HSPA12B: variants seen among roughly 807,000 people sequenced by gnomAD.
HSPA12B encodes heat shock protein family A (Hsp70) member 12B.
A neutral mutation model predicts 69.3 loss-of-function variants in HSPA12B; 54 were observed. The observed-to-expected ratio is 0.78, with a 90% CI of 0.63 to 0.98. The LOEUF (loss-of-function observed/expected upper bound fraction) is 0.98. HSPA12B is among the 50% of genes least tolerant of loss of function. The probability of loss-of-function intolerance (pLI) is 0.00; values close to 1 mark genes in which losing one functional copy is unlikely to be tolerated. For synonymous variants in HSPA12B, 441 were observed against 436.5 expected, an observed-to-expected ratio of 1.01 and a Z score of -0.13; for missense variants, 929 against 999.8, an observed-to-expected ratio of 0.93 and a Z score of 0.96.
intron 11 of HSPA12B, 120 bp downstream of exon 11, chr20:3,750,347 A>G (rs2088393640): frequency 9.3e-7 from 1 of 1,076,802 alleles, no homozygotes; most frequent in Admixed American, 3.0e-5. Flanking sequence ...CATATACACT[A>G]AGCCAGCAGG....
At position 3,751,909 on chromosome 20, in the gene HSPA12B, C is replaced by T. The variant is rs1194728424; in HGVS notation, c.1804C>T (p.Arg602Trp). ...RSYCPARPGQ[R>W]RVLINLYCCA... ...CTACTGCCCGGCGCGTCCCGGCCAGCGGCGCGTACTCATCAACCTGTACTG... is the reference window on the plus strand; with the variant it reads ...CTACTGCCCGGCGCGTCCCGGCCAGTGGCGCGTACTCATCAACCTGTACTG... Residue 602 changes from arginine (R) to tryptophan (W), a missense_variant, in exon 13 of 13, where the codon CGG (arginine) becomes TGG (tryptophan). Arg to Trp is a moderately radical substitution (Grantham distance 101). This residue lies in a region of HSPA12B where 448 missense variants were observed against 448.1 expected (regional missense o/e 1.00). Transcript: ENST00000254963. 6.4e-7 allele frequency: 1 copy of T among 1,574,404 alleles called. No individual in the cohort carries two copies.
In HSPA12B at chr20:3,745,622, G is replaced by T. The variant is rs372257706; in HGVS notation, c.558+25G>T. Reference sequence around the variant, plus strand: ...GGTGCGCTGCGGCCCCACCTCTGCCGACTGTGGCAGGGACCCCCTATTTTC... The same window carrying T: ...GGTGCGCTGCGGCCCCACCTCTGCCTACTGTGGCAGGGACCCCCTATTTTC... On this transcript the variant is annotated intron_variant, in intron 6 of 12. Coordinates refer to ENST00000254963, the MANE Select transcript of HSPA12B (RefSeq NM_052970.5). The surrounding 1 kb of genome is among the most constrained non-coding windows in gnomAD (Gnocchi z 5.6). 4 of 1,589,934 alleles carry T rather than the reference G, an allele frequency of 2.5e-6. No individual in the cohort carries two copies. The highest frequency in any genetic ancestry group is 1.1e-5 in the South Asian group (1 of 90,636).
At chr20:3,735,350 C>G (rs1414716092) in intron 1 of HSPA12B, among the ~76,000 whole-genome samples, 1 of 152,174 alleles carries the variant, frequency 6.6e-6, no homozygotes. Flanking sequence ...CATAGGGGCA[C>G]TCAGCATATC....
intron 11 of HSPA12B, 78 bp downstream of exon 11, chr20:3,750,305 A>G (rs2088392643): frequency 7.2e-6 from 10 of 1,394,710 alleles, no homozygotes; most frequent in African/African-American, 1.4e-5. Flanking sequence ...CCGGGCCCCA[A>G]GGAACGGTGG....
At chr20:3,742,471 C>A in intron 4 of HSPA12B, 63 bp downstream of exon 4, 1 of 1,336,268 alleles carries the variant, frequency 7.5e-7, no homozygotes, top group South Asian at 1.2e-5. Context: ...TACCTTGGTC[C>A]CAAAAGTACT....
chr20:3,749,972 G>T lies in HSPA12B; in HGVS notation c.1046G>T (p.Gly349Val), dbSNP rs754400404. ...TTCGCCCCCTGCTCCACCCCAGGGG[G>T]CCCTTATGGCGCGGTGGGCGTGGAC... is the stretch of plus-strand genomic sequence containing the variant. ...TLKELYKASG[G>V]PYGAVGVDLA... The change falls in exon 11 of 13, where the codon GGC (glycine) becomes GTC (valine). Residue 349 changes from glycine (G) to valine (V), a missense_variant. Physicochemically the swap from Gly to Val is moderately radical, Grantham distance 109. Around this residue, in one of 3 missense-constraint regions of HSPA12B, gnomAD observed 477 missense variants for 535.2 expected, o/e 0.89. Coordinates refer to ENST00000254963, the MANE Select transcript of HSPA12B (RefSeq NM_052970.5). The surrounding 1 kb of genome is among the most constrained non-coding windows in gnomAD (Gnocchi z 5.5). The T allele has an allele frequency of 1.4e-5, 22 of 1,563,768 alleles. No individual in the cohort carries two copies. The highest frequency in any genetic ancestry group is 1.9e-5 in the Non-Finnish European group (22 of 1,153,502).
At chr20:3,734,828 C>A (rs941892737) in intron 1 of HSPA12B, among the ~76,000 whole-genome samples, 10 of 150,144 alleles carry the variant, frequency 6.7e-5, no homozygotes, top group Admixed American at 6.0e-4. Flanking sequence ...CAGCCTCAAC[C>A]TTCCGGGCTC....
At chr20:3,743,584 G>A (rs796709568) in intron 4 of HSPA12B, among the ~76,000 whole-genome samples, 12 of 152,178 alleles carry the variant, frequency 7.9e-5, no homozygotes, top group African/African-American at 2.9e-4. Flanking sequence ...TATACAACTT[G>A]CTTTGTTTTA....
In HSPA12B at chr20:3,744,097, C is replaced by G. The variant is rs531041418; in HGVS notation, c.267-805C>G. ...GGTCGGCAGGCAGTAGGTGAAGCTA[C>G]AGGAGACCTCAAAGCTCTCAACCCA... On this transcript the variant is annotated intron_variant, in intron 4 of 12. Transcript: ENST00000254963. This position sits in a 1 kb window ranked among gnomAD's most constrained non-coding sequence, Gnocchi z 4.9. Among the ~76,000 whole-genome samples the G allele has an allele frequency of 6.6e-6, 1 of 152,288 alleles. No homozygotes were observed. Among genetic ancestry groups the G allele is most frequent in the African/African-American group, 2.4e-5 (1 of 41,564 alleles).
chr20:3,751,228 T>C, intron 12 of HSPA12B: 1 of 979,924 alleles, frequency 1.0e-6, no homozygotes. Flanking sequence ...TTGCACACAA[T>C]GTCTAGGTGT....
chr20:3,752,331 C>G lies in HSPA12B; in HGVS notation c.*165C>G, dbSNP rs1383558917. The G allele has an allele frequency of 4.6e-6, 3 of 647,492 alleles. No individual in the cohort carries two copies. In the East Asian group the frequency reaches 1.0e-4, roughly 22 times the overall value. 40.1% of individuals were successfully genotyped at this position (647,492 alleles called of 1,614,324 possible). ...AAGGTCATGGGAGAGTGGGTGGGGACACACCCAGAGACTGGCTTTGGGATT... is the reference window on the plus strand; with the variant it reads ...AAGGTCATGGGAGAGTGGGTGGGGAGACACCCAGAGACTGGCTTTGGGATT... On this transcript the variant is annotated 3_prime_UTR_variant, in exon 13 of 13. Transcript: ENST00000254963.
intron 4 of HSPA12B, among the ~76,000 whole-genome samples, chr20:3,743,688 C>CA (rs1164556865): frequency 6.6e-6 from 1 of 152,148 alleles, no homozygotes; most frequent in African/African-American, 2.4e-5. Flanking sequence ...ACAGATGTGT[C>CA]ATAATTTATC....
intron 1 of HSPA12B, among the ~76,000 whole-genome samples, chr20:3,735,499 CT>C (rs2088095850): frequency 6.8e-6 from 1 of 147,900 alleles, no homozygotes; most frequent in East Asian, 2.0e-4. Flanking sequence ...GGGTCTCACT[CT>C]TCTCGCCCAG....
chr20:3,751,422 G>A, intron 12 of HSPA12B, 89 bp from the exon 13 acceptor site: 1 of 1,350,388 alleles, frequency 7.4e-7, no homozygotes, highest in Non-Finnish European at 9.5e-7. Flanking sequence ...AGGCGCCGGT[G>A]GCCGCCTAGT....
chr20:3,749,800 G>C lies in HSPA12B; in HGVS notation c.988G>C (p.Val330Leu), dbSNP rs756609771. ...CGGCGGAGGCACCGTGGACCTGACG[G>C]TGCACCAGCTGGAGCAGCCCCATGG... ...DCGGGTVDLT[V>L]HQLEQPHGTL... Residue 330 changes from valine (V) to leucine (L), a missense_variant, in exon 10 of 13, where the codon GTG becomes CTG. Val to Leu is a conservative substitution (Grantham distance 32). This residue lies in a region of HSPA12B where 477 missense variants were observed against 535.2 expected (regional missense o/e 0.89). Coordinates refer to ENST00000254963, the MANE Select transcript of HSPA12B (RefSeq NM_052970.5). The surrounding 1 kb of genome is among the most constrained non-coding windows in gnomAD (Gnocchi z 5.5). The C allele has an allele frequency of 6.2e-7, 1 of 1,608,246 alleles. No homozygotes were observed. The highest frequency in any genetic ancestry group is 8.5e-7 in the Non-Finnish European group (1 of 1,178,556).
intron 4 of HSPA12B, 88 bp downstream of exon 4, chr20:3,742,496 G>A: frequency 9.0e-7 from 1 of 1,105,548 alleles, no homozygotes; most frequent in South Asian, 1.4e-5. Context: ...CCGAGACATG[G>A]GGTCTCCTTG....
intron 3 of HSPA12B, among the ~76,000 whole-genome samples, chr20:3,741,140 C>T (rs777702485): frequency 2.0e-5 from 3 of 152,114 alleles, no homozygotes; most frequent in Non-Finnish European, 2.9e-5. Context: ...CCCCATGTAA[C>T]TAACTCCCAA....
At chr20:3,743,328 C>T (rs1477325348) in intron 4 of HSPA12B, among the ~76,000 whole-genome samples, 2 of 149,442 alleles carry the variant, frequency 1.3e-5, no homozygotes, top group African/African-American at 2.5e-5. Flanking sequence ...GGACTACAGA[C>T]AGCACCACCA....
At position 3,751,538 on chromosome 20, in the gene HSPA12B, A is replaced by G. The variant is rs2088420319; in HGVS notation, c.1433A>G (p.Gln478Arg). The G allele has an allele frequency of 1.4e-6, 2 of 1,472,264 alleles. No homozygotes were observed. Among genetic ancestry groups the G allele is most frequent in the Non-Finnish European group, 1.8e-6 (2 of 1,112,600 alleles). The allele number at this position is 1,472,264 out of a possible 1,614,324, so 91.2% of individuals were successfully genotyped here. A position where few individuals can be genotyped will look rare whatever the true frequency, so the allele number is the denominator to read the frequency against. Residue 478 changes from glutamine to arginine, a missense_variant, in exon 13 of 13, where the codon CAG becomes CGG. Physicochemically the swap from Gln to Arg is conservative, Grantham distance 43. Transcript: ENST00000254963. ...GCCCTGCTGGCACGGCCGGAGGTGC[A>G]GGGTGTGAAGCTGCTGTTCCTAGTG... ...IEALLARPEV[Q>R]GVKLLFLVGG...
Sources: gnomAD v4.1 joint callset for allele counts (sites outside exome capture counted in the v4.1 genomes callset) on GRCh38, gnomAD v4.1.1 for gene constraint, gnomAD v4.1.1 regional missense constraint, Gnocchi (gnomAD v3.1) non-coding constraint, MANE v1.5 for transcripts, NCBI Gene and HGNC (gene_info 2026-07-23, HGNC 2026-07-21) for gene names.